Variants in PCDHGA1 observed in about 807,000 individuals in gnomAD.
PCDHGA1 encodes the protein protocadherin gamma-A1.
A neutral mutation model predicts 58.0 loss-of-function variants in PCDHGA1; 32 were observed. That is an observed-to-expected ratio of 0.55 (90% CI 0.42 to 0.74). The LOEUF is 0.74. PCDHGA1 is among the 30% of genes least tolerant of loss of function. The probability of loss-of-function intolerance (pLI) is 0.00; values close to 1 mark genes in which losing one functional copy is unlikely to be tolerated. For synonymous variants in PCDHGA1, 498 were observed against 501.1 expected, an observed-to-expected ratio of 0.99 and a Z score of 0.08; for missense variants, 1,205 against 1,182.3, an observed-to-expected ratio of 1.02 and a Z score of -0.28.
chr5:141,410,251 C>A (rs2095372140), intron 1 of PCDHGA1: 5 of 1,613,898 alleles, frequency 3.1e-6, no homozygotes, highest in African/African-American at 1.3e-5. Context: ...TACTCTCTGA[C>A]CCCCAGGCTG....
At chr5:141,447,829 T>A (rs2098552664) in intron 1 of PCDHGA1, among the ~76,000 whole-genome samples, 1 of 152,214 alleles carries the variant, frequency 6.6e-6, no homozygotes. Context: ...CTCACGCCTG[T>A]AATCCCAGTG....
intron 1 of PCDHGA1, chr5:141,478,878 T>A: frequency 8.0e-7 from 1 of 1,250,194 alleles, no homozygotes; most frequent in Non-Finnish European, 1.1e-6. Flanking sequence ...GAGTTTAGCT[T>A]GGTATCATTT....
In PCDHGA1 at chr5:141,490,584, T is replaced by C; in HGVS notation, c.2422-4223T>C. The stretch of plus-strand genomic sequence containing the variant: ...TCAGGCTCAACATTTCAGATGTCAA[T>C]GACAATGCACCCCGCTTCAACCAGC... On this transcript the variant is annotated intron_variant, in intron 1 of 3. Coordinates refer to ENST00000517417, the MANE Select transcript of PCDHGA1 (RefSeq NM_018912.3). The surrounding 1 kb of genome is among the most constrained non-coding windows in gnomAD (Gnocchi z 5.4). 6.2e-7 allele frequency: 1 copy of C among 1,614,170 alleles called. No individual in the cohort carries two copies. Among genetic ancestry groups the C allele is most frequent in the South Asian group, 1.1e-5 (1 of 91,080 alleles).
chr5:141,413,283 C>A lies in PCDHGA1; in HGVS notation c.2421+80178C>A, dbSNP rs377443382. On this transcript the variant is annotated intron_variant, in intron 1 of 3. Coordinates refer to ENST00000517417, the MANE Select transcript of PCDHGA1 (RefSeq NM_018912.3). ...GGGAGGCTGGAGCCCGGCAGATCTC[C>A]TACTCAATTCCTGAGGAATTAGAGA... The A allele has an allele frequency of 3.6e-5, 58 of 1,613,848 alleles. No individual in the cohort carries two copies. The African/African-American group carries it at 7.6e-4, about 21-fold the overall frequency.
intron 1 of PCDHGA1, chr5:141,354,976 C>A: frequency 1.8e-6 from 1 of 544,760 alleles, no homozygotes; most frequent in Non-Finnish European, 3.0e-6. Flanking sequence ...CTCTGGGTGT[C>A]GCTGTTCACC....
intron 1 of PCDHGA1, among the ~76,000 whole-genome samples, chr5:141,458,821 C>T (rs1220034390): frequency 6.6e-6 from 1 of 152,146 alleles, no homozygotes; most frequent in Non-Finnish European, 1.5e-5. Flanking sequence ...CAACCTCTGC[C>T]TCCCAGGCTC....
At chr5:141,423,238 G>A (rs765040062) in intron 1 of PCDHGA1, 3 of 1,613,778 alleles carry the variant, frequency 1.9e-6, no homozygotes, top group South Asian at 1.1e-5. Flanking sequence ...CAGCATCCCC[G>A]AAGTCCTGGC....
At chr5:141,494,183 G>A (rs971032835) in intron 1 of PCDHGA1, among the ~76,000 whole-genome samples, 2 of 152,146 alleles carry the variant, frequency 1.3e-5, no homozygotes, top group Non-Finnish European at 2.9e-5. Context: ...GAAGTGTCCC[G>A]GGACTTGGAT....
At chr5:141,383,707 G>A in intron 1 of PCDHGA1, 3 of 1,613,998 alleles carry the variant, frequency 1.9e-6, no homozygotes, top group Non-Finnish European at 2.5e-6. Context: ...TATCGACCTG[G>A]ACGAGGGAGT....
chr5:141,398,264 T>C lies in PCDHGA1; in HGVS notation c.2421+65159T>C, dbSNP rs370063277. On this transcript the variant is annotated intron_variant, in intron 1 of 3. Transcript: ENST00000517417. ...CCCGAGGAAATGCCCAAGGGCTCCG[T>C]AGTGGGGAACCTCGCCACGGACCTG... 2,051 of 1,443,238 alleles carry C rather than the reference T, an allele frequency of 1.4e-3. 29 individuals carry two copies. In the African/African-American group the frequency reaches 0.026, roughly 18 times the overall value. 89.4% of individuals were successfully genotyped at this position (1,443,238 alleles called of 1,614,324 possible).
intron 1 of PCDHGA1, among the ~76,000 whole-genome samples, chr5:141,349,445 T>TA (rs1758295156): frequency 6.6e-6 from 1 of 152,292 alleles, no homozygotes; most frequent in African/African-American, 2.4e-5. Flanking sequence ...TTCCACTTCA[T>TA]AAAAGCATGT....
intron 1 of PCDHGA1, chr5:141,350,803 A>G (rs776584739): frequency 1.3e-5 from 21 of 1,613,898 alleles, no homozygotes. Flanking sequence ...CAACGAAGGA[A>G]AGTCCTGATG....
At position 141,415,171 on chromosome 5, in the gene PCDHGA1, G is replaced by A. The variant is rs748508713; in HGVS notation, c.2422-79636G>A. ...TCTCTCCGCCACTGTCACGCTCACC[G>A]TGGCCGTGGCCGACAGCATCCCCCA... On this transcript the variant is annotated intron_variant, in intron 1 of 3. Coordinates refer to ENST00000517417, the MANE Select transcript of PCDHGA1 (RefSeq NM_018912.3). 8 of 1,613,876 alleles carry A rather than the reference G, an allele frequency of 5.0e-6. No homozygotes were observed. In the South Asian group the frequency reaches 6.6e-5, roughly 13 times the overall value.
At position 141,383,693 on chromosome 5, in the gene PCDHGA1, A is replaced by G. The variant is rs771447649; in HGVS notation, c.2421+50588A>G. 6 of 1,613,930 alleles carry G rather than the reference A, an allele frequency of 3.7e-6. No individual in the cohort carries two copies. The African/African-American group carries it at 4.0e-5, about 11-fold the overall frequency. On this transcript the variant is annotated intron_variant, in intron 1 of 3. Coordinates refer to ENST00000517417, the MANE Select transcript of PCDHGA1 (RefSeq NM_018912.3). Reference sequence around the variant, plus strand: ...GTGGGTACAAGACTGCTCACGGTACATGCTATCGACCTGGACGAGGGAGTC... The same window carrying G: ...GTGGGTACAAGACTGCTCACGGTACGTGCTATCGACCTGGACGAGGGAGTC...
In PCDHGA1 at chr5:141,442,072, C is replaced by G. The variant is rs1034351866; in HGVS notation, c.2422-52735C>G. On this transcript the variant is annotated intron_variant, in intron 1 of 3. Transcript: ENST00000517417. ...GTCGCGGTGCACTGCGGTGGACAGC[C>G]GCTCCTCTCGCTACCGCCACGTCAC... 17 of 175,092 alleles carry G rather than the reference C, an allele frequency of 9.7e-5. No homozygotes were observed. The South Asian group carries it at 1.5e-3, about 16-fold the overall frequency. 10.8% of individuals were successfully genotyped at this position (175,092 alleles called of 1,614,324 possible). A position where few individuals can be genotyped will look rare whatever the true frequency, so the allele number is the denominator to read the frequency against.
rs1228771998 is a variant in PCDHGA1 at position 141,477,832 on chromosome 5, A to G, written c.2422-16975A>G. The stretch of plus-strand genomic sequence containing the variant: ...CCCCCCAGGTCCTATATCCTCGGCC[A>G]GGTGGGAGCTCGGTGGAGATGCTGC... On this transcript the variant is annotated intron_variant, in intron 1 of 3. Transcript: ENST00000517417. This position sits in a 1 kb window ranked among gnomAD's most constrained non-coding sequence, Gnocchi z 4.9. 1.2e-6 allele frequency: 2 copies of G among 1,614,166 alleles called. No homozygotes were observed. Among genetic ancestry groups the G allele is most frequent in the South Asian group, 1.1e-5 (1 of 91,086 alleles).
rs1229102140 is a variant in PCDHGA1, at chr5:141,351,416, G to T, written c.2421+18311G>T. On this transcript the variant is annotated intron_variant, in intron 1 of 3. Coordinates refer to ENST00000517417, the MANE Select transcript of PCDHGA1 (RefSeq NM_018912.3). ...GGTGACATGCTATACTCAGGAAGAA[G>T]TTCCTTTCAAATTAGAATCCACCTC... is the stretch of plus-strand genomic sequence containing the variant. The T allele has an allele frequency of 1.9e-6, 3 of 1,611,528 alleles. No individual in the cohort carries two copies. In the Admixed American group the frequency reaches 5.0e-5, roughly 27 times the overall value.
chr5:141,340,430 G>C, intron 1 of PCDHGA1: 1 of 1,614,216 alleles, frequency 6.2e-7, no homozygotes, highest in South Asian at 1.1e-5. Context: ...CAATGCTCAT[G>C]TAACTTACTC....
At chr5:141,346,327 A>G in intron 1 of PCDHGA1, 2 of 1,614,262 alleles carry the variant, frequency 1.2e-6, no homozygotes, top group Non-Finnish European at 8.5e-7. Context: ...GACTCGCGGA[A>G]GAGCCACCTG....
Sources: gnomAD v4.1 joint callset for allele counts (sites outside exome capture counted in the v4.1 genomes callset) on GRCh38, gnomAD v4.1.1 for gene constraint, Gnocchi (gnomAD v3.1) non-coding constraint, MANE v1.5 for transcripts, NCBI Gene and HGNC (gene_info 2026-07-23, HGNC 2026-07-21) for gene names.